The following EGFR variants were observed in gnomAD, a reference collection of about 807,000 sequenced individuals.
EGFR encodes the protein avian erythroblastic leukemia viral (v-erb-b) oncogene homolog.
In EGFR, 58 loss-of-function variants were observed where a neutral mutation model predicts 143.0. The ratio of observed to expected loss-of-function variants is 0.41; its 90% CI spans 0.33 to 0.50. The LOEUF (loss-of-function observed/expected upper bound fraction) is 0.50, where lower values mean the gene tolerates loss of function less well. Among genes scored for constraint, EGFR ranks in the 20% least tolerant of loss-of-function variants. EGFR has a pLI of 0.39. For synonymous variants in EGFR, 613 were observed against 594.4 expected (o/e 1.03, Z -0.45); for missense variants, 1,307 against 1,579.0 (o/e 0.83, Z 2.92).
intron 1 of EGFR, among the ~76,000 whole-genome samples, chr7:55,076,400 T>A (rs1158019692): frequency 6.6e-6 from 1 of 152,194 alleles, no homozygotes; most frequent in Non-Finnish European, 1.5e-5. Context: ...AAAATCTAGT[T>A]TCATTGGTTG....
chr7:55,115,460 G>T (rs1792779476), intron 1 of EGFR, among the ~76,000 whole-genome samples: 1 of 152,122 alleles, frequency 6.6e-6, no homozygotes, highest in Non-Finnish European at 1.5e-5. Flanking sequence ...TATATTTATT[G>T]TCCTCTACTG....
intron 21 of EGFR, 84 bp downstream of exon 21, chr7:55,191,958 A>C: frequency 6.3e-7 from 1 of 1,584,090 alleles, no homozygotes; most frequent in South Asian, 1.1e-5. Flanking sequence ...TGTTTAACAC[A>C]TGCAGGGGAG....
At chr7:55,033,081 C>A (rs903558879) in intron 1 of EGFR, among the ~76,000 whole-genome samples, 1 of 152,174 alleles carries the variant, frequency 6.6e-6, no homozygotes, top group Non-Finnish European at 1.5e-5. Context: ...ATTTTTATAG[C>A]AGGCTAAAGA....
rs17336626 is a variant in EGFR at position 55,153,936 on chromosome 7, C to T, written c.748-75C>T. ...TGGGCTTTCTGACGGGAGTCAACAC[C>T]GTGCTGCGCTTCCTCCGTGTGTGGC... On this transcript the variant is annotated intron_variant, in intron 6 of 27. Coordinates refer to ENST00000275493, the MANE Select transcript of EGFR (RefSeq NM_005228.5). 292 of 1,605,448 alleles carry T rather than the reference C, an allele frequency of 1.8e-4. 1 individual carries two copies. The African/African-American group carries it at 2.8e-3, about 16-fold the overall frequency.
rs190266880 is a variant in EGFR, at chr7:55,052,459, T to A, written c.88+33094T>A. On this transcript the variant is annotated intron_variant, in intron 1 of 27. Coordinates refer to ENST00000275493, the MANE Select transcript of EGFR (RefSeq NM_005228.5). ...TTCAGAAACCAGACTTTTCTTTCAATAGTTTCAGTAATCAATCGATCAATC... is the reference window on the plus strand; with the variant it reads ...TTCAGAAACCAGACTTTTCTTTCAAAAGTTTCAGTAATCAATCGATCAATC... Among the ~76,000 whole-genome samples, 185 of 152,326 alleles carry A rather than the reference T, an allele frequency of 1.2e-3. 2 individuals are homozygous for A. Among genetic ancestry groups the A allele is most frequent in the African/African-American group, 4.0e-3 (167 of 41,576 alleles).
chr7:55,045,008 A>G (rs570377275), intron 1 of EGFR, among the ~76,000 whole-genome samples: 1 of 152,336 alleles, frequency 6.6e-6, no homozygotes, highest in African/African-American at 2.4e-5. Flanking sequence ...CTAGAAAGGC[A>G]TGCAGACAAG....
intron 1 of EGFR, among the ~76,000 whole-genome samples, chr7:55,119,854 G>T (rs181989326): frequency 4.0e-4 from 61 of 152,302 alleles, no homozygotes; most frequent in African/African-American, 1.4e-3. Context: ...CACCTCCCCA[G>T]GGCCATGGGC....
rs1788186610 is a variant in EGFR, at chr7:55,209,409, A to G, written c.*3792A>G. On this transcript the variant is annotated 3_prime_UTR_variant, in exon 28 of 28. Transcript: ENST00000275493. ...CCAGCAGTTCAGCTGGAAAGGGGCA[A>G]ATACCCCCACCTGAGCTTTGAAAAC... is the stretch of plus-strand genomic sequence containing the variant. 2 of 152,132 alleles carry G rather than the reference A, an allele frequency of 1.3e-5. No homozygotes were observed. Among genetic ancestry groups the G allele is most frequent in the Non-Finnish European group, 2.9e-5 (2 of 68,030 alleles). 9.4% of individuals were successfully genotyped at this position (152,132 alleles called of 1,614,324 possible).
intron 16 of EGFR, among the ~76,000 whole-genome samples, chr7:55,171,768 G>A (rs1218431108): frequency 6.6e-6 from 1 of 152,188 alleles, no homozygotes; most frequent in Admixed American, 6.5e-5. Context: ...AAACTCACCA[G>A]GAAAGAGTGG....
intron 20 of EGFR, among the ~76,000 whole-genome samples, chr7:55,185,165 A>AG (rs898406186): frequency 6.6e-6 from 1 of 152,206 alleles, no homozygotes; most frequent in African/African-American, 2.4e-5. Context: ...AGGAAAAAAA[A>AG]CAGAGGTGTC....
chr7:55,160,357 T>A lies in EGFR; in HGVS notation c.1498+19T>A, dbSNP rs958803993. On this transcript the variant is annotated intron_variant, in intron 12 of 27. Transcript: ENST00000275493. ...AGCTGCAGTAAGTCACCGCTTTCTGTTTAGTTTATGGAGTTGGTTCTAATG... is the reference window on the plus strand; with the variant it reads ...AGCTGCAGTAAGTCACCGCTTTCTGATTAGTTTATGGAGTTGGTTCTAATG... 1.2e-6 allele frequency: 2 copies of A among 1,611,338 alleles called. No individual in the cohort carries two copies. The highest frequency in any genetic ancestry group is 1.7e-5 in the Admixed American group (1 of 60,026).
intron 1 of EGFR, among the ~76,000 whole-genome samples, chr7:55,038,282 G>A (rs1323591577): frequency 6.6e-6 from 1 of 152,162 alleles, no homozygotes; most frequent in African/African-American, 2.4e-5. Context: ...ACTTGATTCT[G>A]AGGACACCAG....
At chr7:55,192,101 A>G (rs1003708433) in intron 21 of EGFR, among the ~76,000 whole-genome samples, 4 of 152,154 alleles carry the variant, frequency 2.6e-5, no homozygotes, top group African/African-American at 9.7e-5. Flanking sequence ...TGAGGATGTT[A>G]TCCCCAGGTG....
chr7:55,112,023 C>A (rs1421932437), intron 1 of EGFR, among the ~76,000 whole-genome samples: 3 of 152,060 alleles, frequency 2.0e-5, no homozygotes, highest in Non-Finnish European at 2.9e-5. Flanking sequence ...GGGACTGGAA[C>A]TCCTGGCGTG....
intron 1 of EGFR, among the ~76,000 whole-genome samples, chr7:55,075,985 T>C (rs996630298): frequency 1.3e-5 from 2 of 152,230 alleles, no homozygotes; most frequent in Non-Finnish European, 2.9e-5. Context: ...ACTGGAAATG[T>C]CCAAGCCTGT....
intron 10 of EGFR, among the ~76,000 whole-genome samples, chr7:55,157,178 C>T (rs1785466216): frequency 6.6e-6 from 1 of 152,238 alleles, no homozygotes; most frequent in African/African-American, 2.4e-5. Flanking sequence ...GACGCCAGAG[C>T]CTTGTGGGGC....
chr7:55,053,127 G>A (rs191937802), intron 1 of EGFR, among the ~76,000 whole-genome samples: 1 of 152,166 alleles, frequency 6.6e-6, no homozygotes, highest in African/African-American at 2.4e-5. Flanking sequence ...TCTTTCTCAG[G>A]TCAGGAAGAA....
intron 15 of EGFR, among the ~76,000 whole-genome samples, chr7:55,165,911 C>G (rs1451128688): frequency 6.6e-6 from 1 of 152,230 alleles, no homozygotes; most frequent in Non-Finnish European, 1.5e-5. Flanking sequence ...GACGCAGTGG[C>G]TCACGCCTGT....
rs1792913869 is a variant in EGFR at position 55,117,253 on chromosome 7, A to C, written c.89-25033A>C. On this transcript the variant is annotated intron_variant, in intron 1 of 27. Transcript: ENST00000275493. ...ATTCAAATAGTTTATAAAGTGGAAT[A>C]GAGATGTGGGTAAAAGTTGTCTTGC... Among the ~76,000 whole-genome samples, 3 of 152,396 alleles carry C rather than the reference A, an allele frequency of 2.0e-5. No individual in the cohort carries two copies. In the South Asian group the frequency reaches 6.2e-4, roughly 32 times the overall value.
Sources: gnomAD v4.1 joint callset for allele counts (sites outside exome capture counted in the v4.1 genomes callset) on GRCh38, gnomAD v4.1.1 for gene constraint, MANE v1.5 for transcripts, NCBI Gene and HGNC (gene_info 2026-07-23, HGNC 2026-07-21) for gene names.